The following ABCA8 variants were observed in gnomAD, a reference collection of about 807,000 sequenced individuals.
The protein encoded by ABCA8 is ABC-type organic anion transporter ABCA8.
A neutral mutation model predicts 192.3 loss-of-function variants in ABCA8; 177 were observed. That is an observed-to-expected ratio of 0.92 (90% CI 0.81 to 1.04). The LOEUF (loss-of-function observed/expected upper bound fraction) is 1.04, where lower values mean the gene tolerates loss of function less well. Ranked by LOEUF, ABCA8 falls within the 50% of genes least tolerant of loss-of-function variation. ABCA8 has a pLI of 0.00. For synonymous variants in ABCA8, 642 were observed against 690.2 expected, an observed-to-expected ratio of 0.93 and a Z score of 1.09; for missense variants, 1,915 against 1,904.8, an observed-to-expected ratio of 1.01 and a Z score of -0.10.
chr17:68,870,534 G>A (rs535086980), intron 37 of ABCA8, among the ~76,000 whole-genome samples: 2 of 152,204 alleles, frequency 1.3e-5, no homozygotes, highest in South Asian at 4.2e-4. Flanking sequence ...TCTCTCCCCA[G>A]CCTAGTACTA....
At chr17:68,869,678 A>G in intron 38 of ABCA8, 22 bp downstream of exon 38, 2 of 1,515,056 alleles carry the variant, frequency 1.3e-6, no homozygotes, top group Non-Finnish European at 1.8e-6. Flanking sequence ...CCAGGGTCGT[A>G]CTTCAAAGTC....
chr17:68,882,791 G>T, intron 29 of ABCA8, 72 bp from the exon 30 acceptor site: 4 of 1,473,812 alleles, frequency 2.7e-6, no homozygotes, highest in Non-Finnish European at 3.7e-6. Flanking sequence ...ATTATTTAAA[G>T]CATATGTTTG....
At chr17:68,954,541 C>G (rs2068660918) in intron 1 of ABCA8, among the ~76,000 whole-genome samples, 1 of 152,138 alleles carries the variant, frequency 6.6e-6, no homozygotes, top group Admixed American at 6.5e-5. Context: ...TTTTTATCCT[C>G]TTATACTGTT....
At chr17:68,948,606 A>C (rs1330454956) in intron 2 of ABCA8, among the ~76,000 whole-genome samples, 1 of 151,764 alleles carries the variant, frequency 6.6e-6, no homozygotes, top group Non-Finnish European at 1.5e-5. Flanking sequence ...TTTTCTTGTA[A>C]ATTTGTTTAA....
intron 21 of ABCA8, among the ~76,000 whole-genome samples, chr17:68,900,110 G>C (rs935221037): frequency 1.3e-5 from 2 of 151,998 alleles, no homozygotes; most frequent in African/African-American, 4.8e-5. Context: ...ATATTGGTTT[G>C]GAAATGAGTG....
At chr17:68,920,932 A>G (rs1320415089) in intron 13 of ABCA8, among the ~76,000 whole-genome samples, 3 of 152,190 alleles carry the variant, frequency 2.0e-5, no homozygotes, top group Non-Finnish European at 4.4e-5. Flanking sequence ...TCACAGTAGC[A>G]AAGACTTGGA....
chr17:68,888,252 A>G (rs1049731774), intron 24 of ABCA8, among the ~76,000 whole-genome samples: 1 of 151,964 alleles, frequency 6.6e-6, no homozygotes, highest in African/African-American at 2.4e-5. Flanking sequence ...TGTATTTTAC[A>G]TTATTTGTCA....
chr17:68,918,164 T>C lies in ABCA8; in HGVS notation c.1930A>G (p.Thr644Ala). 1.2e-6 allele frequency: 2 copies of C among 1,614,148 alleles called. No homozygotes were observed. The highest frequency in any genetic ancestry group is 1.1e-5 in the South Asian group (1 of 91,072). ...CTTGAAAAGGGATCCAATCCAGCAG[T>C]TGGTTCATCCAACAGGAAAATCTAT... ...DPQIFLLDEP[T>A]AGLDPFSRHQ... The change falls in exon 16 of 40, where the codon ACT becomes GCT. Residue 644 changes from threonine (T) to alanine (A), a missense_variant. Coordinates refer to ENST00000586539, the MANE Select transcript of ABCA8 (RefSeq NM_001288985.2).
At chr17:68,896,493 A>G (rs2066762192) in intron 21 of ABCA8, among the ~76,000 whole-genome samples, 1 of 152,226 alleles carries the variant, frequency 6.6e-6, no homozygotes. Context: ...ATCGCATGGT[A>G]TTCTGAGCAG....
chr17:68,878,284 A>T (rs1262792045), intron 32 of ABCA8: 3 of 152,298 alleles, frequency 2.0e-5, no homozygotes, highest in Admixed American at 6.5e-5. Flanking sequence ...GGGCCATTTC[A>T]ACAAAGAGGA....
intron 29 of ABCA8, 40 bp downstream of exon 29, chr17:68,883,751 A>C: frequency 1.3e-5 from 16 of 1,256,294 alleles, no homozygotes; most frequent in Non-Finnish European, 1.6e-5. Context: ...ATTTTACGAT[A>C]TTGATCAACA....
chr17:68,918,697 G>A (rs1437578635), intron 14 of ABCA8, among the ~76,000 whole-genome samples, 151 bp from the exon 15 acceptor site: 1 of 152,138 alleles, frequency 6.6e-6, no homozygotes, highest in Admixed American at 6.5e-5. Flanking sequence ...ACTTTGGGAG[G>A]CTGAGGCGGG....
intron 19 of ABCA8, among the ~76,000 whole-genome samples, chr17:68,905,209 G>A (rs1405503873): frequency 6.6e-6 from 1 of 152,058 alleles, no homozygotes; most frequent in East Asian, 1.9e-4. Context: ...TTCCTGTTTT[G>A]TTAAAGTAAC....
At chr17:68,922,627 G>A (rs1183753148) in intron 11 of ABCA8, among the ~76,000 whole-genome samples, 1 of 152,090 alleles carries the variant, frequency 6.6e-6, no homozygotes, top group Non-Finnish European at 1.5e-5. Context: ...AGCTAAGAAA[G>A]CAAGGCCAAG....
chr17:68,936,997 C>A lies in ABCA8; in HGVS notation c.420G>T (p.Leu140Phe). ...TCTTTGCTGGCATTCCATGTCCTAGCAAGAACTTCAAATGATATGAGTATG... is the reference window on the plus strand; with the variant it reads ...TCTTTGCTGGCATTCCATGTCCTAGAAAGAACTTCAAATGATATGAGTATG... ...TNTYSYHLKF[L>F]LGHGMPAKKE... Residue 140 changes from leucine to phenylalanine, a missense_variant, in exon 5 of 40, where the codon TTG becomes TTT. Leu to Phe is a conservative substitution (Grantham distance 22, BLOSUM62 0). Transcript: ENST00000586539. 6.2e-7 allele frequency: 1 copy of A among 1,608,000 alleles called. No individual in the cohort carries two copies. Among genetic ancestry groups the A allele is most frequent in the Non-Finnish European group, 8.5e-7 (1 of 1,177,744 alleles).
Position 68,883,318 on chromosome 17 carries a change from G to A in ABCA8, c.3707+473C>T, listed in dbSNP as rs112048271. 6.5e-4 allele frequency among the ~76,000 whole-genome samples: 99 copies of A among 152,282 alleles called. No homozygotes were observed. In the Middle Eastern group the frequency reaches 0.01, roughly 16 times the overall value. ...ACACAGAGGGAGCAAGATGCTTATG[G>A]TCACTCTTCTTTGTATGGTGCCGAA... is the stretch of plus-strand genomic sequence containing the variant. On this transcript the variant is annotated intron_variant, in intron 29 of 39. Transcript: ENST00000586539.
At chr17:68,882,129 G>A in intron 30 of ABCA8, 149 bp from the exon 31 acceptor site, 1 of 688,836 alleles carries the variant, frequency 1.5e-6, no homozygotes, top group Admixed American at 2.6e-5. Context: ...CCTTGGCCAT[G>A]CCCTATCCTA....
intron 29 of ABCA8, among the ~76,000 whole-genome samples, chr17:68,883,087 C>T (rs1450928166): frequency 6.6e-6 from 1 of 152,166 alleles, no homozygotes; most frequent in Non-Finnish European, 1.5e-5. Flanking sequence ...CTTGATCTCT[C>T]ATTTCTTCAG....
chr17:68,926,076 A>T (rs888330562), intron 10 of ABCA8, among the ~76,000 whole-genome samples: 1 of 152,242 alleles, frequency 6.6e-6, no homozygotes, highest in African/African-American at 2.4e-5. Context: ...TGAAAATGTA[A>T]CAATATGTGA....
Sources: allele counts gnomAD v4.1 joint callset (sites outside exome capture counted in the v4.1 genomes callset), GRCh38; gene constraint gnomAD v4.1.1; transcripts MANE v1.5; gene names NCBI Gene and HGNC (gene_info 2026-07-23, HGNC 2026-07-21).